FOXP2: variants seen among roughly 807,000 people sequenced by gnomAD.
FOXP2 encodes forkhead box protein P2.
A neutral mutation model predicts 115.8 loss-of-function variants in FOXP2; 12 were observed. That is an observed-to-expected ratio of 0.10 (90% CI 0.07 to 0.17). The LOEUF (loss-of-function observed/expected upper bound fraction) is 0.17. Ranked by LOEUF, FOXP2 falls within the 10% of genes least tolerant of loss-of-function variation. FOXP2 has a pLI of 1.00. For synonymous variants in FOXP2, 328 were observed against 297.7 expected (o/e 1.10, Z -1.05); for missense variants, 629 against 843.5 (o/e 0.75, Z 3.15).
chr7:114,536,763 G>T (rs184093369), intron 3 of FOXP2, among the ~76,000 whole-genome samples: 1 of 151,400 alleles, frequency 6.6e-6, no homozygotes, highest in African/African-American at 2.4e-5. Context: ...TTCAGTATTA[G>T]TTTGTAATTT....
intron 1 of FOXP2, among the ~76,000 whole-genome samples, chr7:114,106,566 C>T (rs185546968): frequency 2.9e-4 from 44 of 152,054 alleles, no homozygotes; most frequent in African/African-American, 9.6e-4. Flanking sequence ...TTTCTTGCCC[C>T]CTTTGGTCAG....
chr7:114,305,364 A>G (rs1349419631), intron 2 of FOXP2, among the ~76,000 whole-genome samples: 1 of 152,184 alleles, frequency 6.6e-6, no homozygotes, highest in East Asian at 1.9e-4. Flanking sequence ...AAGTCTCCTT[A>G]TAACAGTAGT....
chr7:114,594,814 T>C (rs984048423), intron 3 of FOXP2, among the ~76,000 whole-genome samples: 1 of 152,046 alleles, frequency 6.6e-6, no homozygotes, highest in Admixed American at 6.6e-5. Context: ...TACTTAGTTT[T>C]TAAATGCCAG....
intron 16 of FOXP2, among the ~76,000 whole-genome samples, chr7:114,685,247 C>T (rs1197948891): frequency 6.6e-6 from 1 of 152,002 alleles, no homozygotes; most frequent in South Asian, 2.1e-4. Context: ...TAAATAGTAC[C>T]TACAAACTAG....
rs1291795029 is a variant in FOXP2, at chr7:114,664,340, G to T, written c.1907G>T (p.Gly636Val). 6.2e-7 allele frequency: 1 copy of T among 1,613,446 alleles called. No homozygotes were observed. Among genetic ancestry groups the T allele is most frequent in the Non-Finnish European group, 8.5e-7 (1 of 1,179,730 alleles). Residue 636 changes from glycine (G) to valine (V), a missense_variant, in exon 16 of 17, where the codon GGC (glycine) becomes GTC (valine). Coordinates refer to ENST00000350908, the MANE Select transcript of FOXP2 (RefSeq NM_014491.4). ...NPGLINNASS[G>V]LLQAVHEDLN... ...GGACTGATAAATAATGCATCCAGTG[G>T]CCTACTGCAGGCCGTCCACGAAGAC...
At chr7:114,396,475 C>A (rs1277537388) in intron 2 of FOXP2, among the ~76,000 whole-genome samples, 1 of 152,084 alleles carries the variant, frequency 6.6e-6, no homozygotes, top group African/African-American at 2.4e-5. Context: ...CATCTCTCTT[C>A]AACATACTGA....
intron 1 of FOXP2, among the ~76,000 whole-genome samples, chr7:114,249,362 T>TC (rs762270980): frequency 2.4e-4 from 37 of 151,900 alleles, no homozygotes; most frequent in African/African-American, 6.5e-4. Flanking sequence ...ATGCTCTCCT[T>TC]CCCCCCCGTT....
chr7:114,569,723 G>A (rs146625872), intron 3 of FOXP2, among the ~76,000 whole-genome samples: 309 of 152,040 alleles, frequency 2.0e-3, no homozygotes, highest in Admixed American at 4.5e-3. Context: ...TATTTTGGAA[G>A]CCATTTTTCC....
At chr7:114,570,075 T>C (rs913401182) in intron 3 of FOXP2, among the ~76,000 whole-genome samples, 1 of 151,946 alleles carries the variant, frequency 6.6e-6, no homozygotes, top group African/African-American at 2.4e-5. Flanking sequence ...ACAAAATCTT[T>C]GAAATGTCTA....
At chr7:114,559,900 A>G (rs1398232550) in intron 3 of FOXP2, among the ~76,000 whole-genome samples, 1 of 151,680 alleles carries the variant, frequency 6.6e-6, no homozygotes, top group African/African-American at 2.4e-5. Flanking sequence ...AAAAAAAAAA[A>G]AAATCTCATT....
chr7:114,591,356 T>C (rs1802427062), intron 3 of FOXP2, among the ~76,000 whole-genome samples: 2 of 152,238 alleles, frequency 1.3e-5, no homozygotes, highest in South Asian at 4.1e-4. Flanking sequence ...CAGTACAAAA[T>C]ATTTTTGGAG....
At chr7:114,194,118 T>A (rs1274927208) in intron 1 of FOXP2, among the ~76,000 whole-genome samples, 3 of 152,098 alleles carry the variant, frequency 2.0e-5, no homozygotes, top group Non-Finnish European at 2.9e-5. Flanking sequence ...GAAAAAAAAT[T>A]GGGAGCCCAT....
At chr7:114,173,600 CATTT>C (rs1793206412) in intron 1 of FOXP2, among the ~76,000 whole-genome samples, 1 of 151,578 alleles carries the variant, frequency 6.6e-6, no homozygotes, top group African/African-American at 2.4e-5. Context: ...GTTGCTATTG[CATTT>C]ATTTTTTTTT....
At chr7:114,497,669 A>G (rs7810225) in intron 2 of FOXP2, among the ~76,000 whole-genome samples, 12 of 21,890 alleles carry the variant, frequency 5.5e-4, no homozygotes, top group Non-Finnish European at 7.3e-4. Flanking sequence ...AAATAAGTAA[A>G]TAAATAAATA....
At chr7:114,400,578 G>A (rs1228386503) in intron 2 of FOXP2, among the ~76,000 whole-genome samples, 1 of 152,134 alleles carries the variant, frequency 6.6e-6, no homozygotes, top group Non-Finnish European at 1.5e-5. Context: ...ATAGTTTCAT[G>A]GAAGACAGTG....
intron 1 of FOXP2, among the ~76,000 whole-genome samples, chr7:114,101,422 A>G (rs1293656189): frequency 6.6e-6 from 1 of 152,118 alleles, no homozygotes; most frequent in South Asian, 2.1e-4. Flanking sequence ...GCCATGACAG[A>G]CTTTCTCCAT....
rs1032720410 is a variant in FOXP2 at position 114,208,815 on chromosome 7, T to A, written c.-102+45727T>A. Among the ~76,000 whole-genome samples, 6 of 152,254 alleles carry A rather than the reference T, an allele frequency of 3.9e-5. No homozygotes were observed. The South Asian group carries it at 1.0e-3, about 26-fold the overall frequency. On this transcript the variant is annotated intron_variant, in intron 1 of 17. Transcript: ENST00000634411. Reference sequence around the variant, plus strand: ...TGATGCCATCCATGTAAGACATGACTTGCTCCTCTTTGCCTCCTGCCATGA... The same window carrying A: ...TGATGCCATCCATGTAAGACATGACATGCTCCTCTTTGCCTCCTGCCATGA...
intron 5 of FOXP2, among the ~76,000 whole-genome samples, chr7:114,631,312 T>C (rs959255774): frequency 6.6e-6 from 1 of 152,206 alleles, no homozygotes; most frequent in Admixed American, 6.5e-5. Flanking sequence ...CCATACTTTT[T>C]TGATGCAAGT....
chr7:114,415,156 G>A lies in FOXP2; in HGVS notation c.-215G>A, dbSNP rs1793280455. ...AATGCCATCAGTCTGGGACGTGATC[G>A]GGCAGAGGTGTACTCACAGTAGTGT... On this transcript the variant is annotated 5_prime_UTR_variant, in exon 1 of 17. Transcript: ENST00000350908. The A allele has an allele frequency of 2.2e-6, 1 of 454,290 alleles. No individual in the cohort carries two copies. Among genetic ancestry groups the A allele is most frequent in the South Asian group, 1.6e-5 (1 of 64,474 alleles). 28.1% of individuals were successfully genotyped at this position (454,290 alleles called of 1,614,324 possible). A position where few individuals can be genotyped will look rare whatever the true frequency, so the allele number is the denominator to read the frequency against.
Sources: allele counts gnomAD v4.1 joint callset (sites outside exome capture counted in the v4.1 genomes callset), GRCh38; gene constraint gnomAD v4.1.1; transcripts MANE v1.5; gene names NCBI Gene and HGNC (gene_info 2026-07-23, HGNC 2026-07-21).